SHANK2: variants seen among roughly 807,000 people sequenced by gnomAD.
SHANK2 encodes SH3 and multiple ankyrin repeat domains 2.
In SHANK2, 43 loss-of-function variants were observed where a neutral mutation model predicts 133.7. The ratio of observed to expected loss-of-function variants is 0.32; its 90% CI spans 0.25 to 0.41. The LOEUF is 0.41. SHANK2 is among the 10% of genes least tolerant of loss of function. The pLI is 1.00. For synonymous variants in SHANK2, 1,017 were observed against 952.8 expected, an observed-to-expected ratio of 1.07 and a Z score of -1.24; for missense variants, 1,994 against 2,235.8, an observed-to-expected ratio of 0.89 and a Z score of 2.18.
intron 6 of SHANK2, among the ~76,000 whole-genome samples, chr11:71,108,000 G>A (rs567206156): frequency 1.2e-4 from 19 of 152,296 alleles, no homozygotes; most frequent in South Asian, 1.2e-3. Context: ...AATAGCCCTC[G>A]ACGAGGCCAA....
intron 17 of SHANK2, among the ~76,000 whole-genome samples, chr11:70,512,756 CT>C (rs2059219750): frequency 6.6e-6 from 1 of 152,182 alleles, no homozygotes; most frequent in Non-Finnish European, 1.5e-5. Flanking sequence ...TGATTCTTTC[CT>C]GTGTTGGATC....
chr11:70,843,173 C>T (rs1828766162), intron 11 of SHANK2, among the ~76,000 whole-genome samples: 1 of 142,848 alleles, frequency 7.0e-6, no homozygotes, highest in South Asian at 2.3e-4. Context: ...TGGAGATGCT[C>T]AGGTGGTGAC....
At chr11:70,481,715 T>C (rs1441766540) in intron 25 of SHANK2, among the ~76,000 whole-genome samples, 1 of 152,270 alleles carries the variant, frequency 6.6e-6, no homozygotes, top group Non-Finnish European at 1.5e-5. Context: ...CGTGCCTCAT[T>C]TTGCCCAGGG....
At chr11:70,945,840 C>T (rs1477741380) in intron 10 of SHANK2, among the ~76,000 whole-genome samples, 2 of 152,116 alleles carry the variant, frequency 1.3e-5, no homozygotes, top group African/African-American at 4.8e-5. Flanking sequence ...CAAGGAATGG[C>T]TCTCCTAATT....
chr11:71,232,711 G>T (rs1405959523), intron 1 of SHANK2, among the ~76,000 whole-genome samples: 5 of 152,164 alleles, frequency 3.3e-5, no homozygotes, highest in Admixed American at 6.5e-5. Context: ...TTAAGATAAG[G>T]TTATTTGTTT....
intron 11 of SHANK2, among the ~76,000 whole-genome samples, chr11:70,828,575 C>G (rs3019834): frequency 0.98 from 149,198 of 152,314 alleles, 73,152 homozygotes; most frequent in East Asian, 1. Context: ...AGCTTTCCCC[C>G]ACTTCGGGAG....
intron 8 of SHANK2, among the ~76,000 whole-genome samples, chr11:71,085,155 C>T (rs1951360818): frequency 6.6e-6 from 1 of 152,104 alleles, no homozygotes; most frequent in East Asian, 1.9e-4. Context: ...AGTGACAGCT[C>T]TCAAAATCAG....
At chr11:70,917,266 C>A (rs1950284097) in intron 10 of SHANK2, among the ~76,000 whole-genome samples, 1 of 152,172 alleles carries the variant, frequency 6.6e-6, no homozygotes, top group African/African-American at 2.4e-5. Context: ...AAAAAAAGCT[C>A]AACATCACTG....
At chr11:70,795,917 G>A (rs1947899590) in intron 14 of SHANK2, among the ~76,000 whole-genome samples, 1 of 152,210 alleles carries the variant, frequency 6.6e-6, no homozygotes, top group South Asian at 2.1e-4. Context: ...CTTTAGCCAA[G>A]TGAGACTCAC....
intron 6 of SHANK2, among the ~76,000 whole-genome samples, chr11:71,095,627 C>T (rs1951596610): frequency 1.3e-5 from 2 of 152,234 alleles, no homozygotes; most frequent in African/African-American, 4.8e-5. Context: ...GTGTGTCTTG[C>T]TGACCCCTCA....
intron 9 of SHANK2, among the ~76,000 whole-genome samples, chr11:71,057,828 C>T (rs1259233440): frequency 6.6e-6 from 1 of 150,798 alleles, no homozygotes; most frequent in Non-Finnish European, 1.5e-5. Flanking sequence ...GGATTATAGG[C>T]GTGAACCACC....
chr11:71,116,210 A>G (rs1398827340), intron 4 of SHANK2, among the ~76,000 whole-genome samples: 1 of 152,236 alleles, frequency 6.6e-6, no homozygotes, highest in Non-Finnish European at 1.5e-5. Flanking sequence ...GTCACTGAGT[A>G]GAGAACCCAC....
At position 70,807,503 on chromosome 11, in the gene SHANK2, A is replaced by C. The variant is rs1345235039; in HGVS notation, c.1494-332T>G. ...TGGAGAGACACAGGGTGGTCCAAAC[A>C]TACAATGGAACGCTGTTTAGCCTCC... On this transcript the variant is annotated intron_variant, in intron 12 of 25. Transcript: ENST00000601538. The surrounding 1 kb of genome is among the most constrained non-coding windows in gnomAD (Gnocchi z 4.8). 6.6e-6 allele frequency among the ~76,000 whole-genome samples: 1 copy of C among 152,336 alleles called. No individual in the cohort carries two copies. The highest frequency in any genetic ancestry group is 1.9e-4 in the East Asian group (1 of 5,184).
At position 70,873,929 on chromosome 11, in the gene SHANK2, C is replaced by T. The variant is rs576059728; in HGVS notation, c.1174+22572G>A. Among the ~76,000 whole-genome samples, 6 of 152,278 alleles carry T rather than the reference C, an allele frequency of 3.9e-5. No homozygotes were observed. In the East Asian group the frequency reaches 9.6e-4, roughly 24 times the overall value. ...AGCTCCCGGGCGTCAGTGACAGGAA[C>T]ACGTGTCATCAGGAAAAAGGCATGA... On this transcript the variant is annotated intron_variant, in intron 11 of 25. Coordinates refer to ENST00000601538, the MANE Select transcript of SHANK2 (RefSeq NM_012309.5).
At position 71,075,069 on chromosome 11, in the gene SHANK2, C is replaced by T. The variant is rs998634014; in HGVS notation, c.1029+90G>A. ...CTGGGATTACAGGCATGAGCCACCG[C>T]GCCCGGCTGACGTAAGCCAATTTAA... On this transcript the variant is annotated intron_variant, in intron 9 of 25. Transcript: ENST00000601538. 7.8e-4 allele frequency: 123 copies of T among 157,844 alleles called. 1 individual carries two copies. Among genetic ancestry groups the T allele is most frequent in the Non-Finnish European group, 1.3e-3 (93 of 70,980 alleles). 9.8% of individuals were successfully genotyped at this position (157,844 alleles called of 1,614,324 possible).
At chr11:70,532,850 C>T (rs147290969) in intron 17 of SHANK2, among the ~76,000 whole-genome samples, 12 of 152,252 alleles carry the variant, frequency 7.9e-5, no homozygotes, top group South Asian at 2.1e-4. Context: ...AAAAGATGGA[C>T]GCAACCCAGT....
intron 4 of SHANK2, among the ~76,000 whole-genome samples, chr11:71,114,715 C>G (rs1472423964): frequency 1.3e-5 from 2 of 152,100 alleles, no homozygotes; most frequent in East Asian, 3.9e-4. Context: ...GATTTCAGGA[C>G]AGCAGGTTCT....
chr11:71,096,059 C>T (rs1951606486), intron 6 of SHANK2, among the ~76,000 whole-genome samples: 1 of 149,454 alleles, frequency 6.7e-6, no homozygotes, highest in East Asian at 1.9e-4. Context: ...GAAAAGCAGG[C>T]TTCCTGTCTT....
intron 2 of SHANK2, among the ~76,000 whole-genome samples, chr11:71,222,223 T>C (rs1271557952): frequency 6.7e-6 from 1 of 148,974 alleles, no homozygotes; most frequent in Non-Finnish European, 1.5e-5. Flanking sequence ...GGTCACCAAC[T>C]GTGTGGGCTG....
Sources: gnomAD v4.1 joint callset for allele counts (sites outside exome capture counted in the v4.1 genomes callset) on GRCh38, gnomAD v4.1.1 for gene constraint, Gnocchi (gnomAD v3.1) non-coding constraint, MANE v1.5 for transcripts, NCBI Gene and HGNC (gene_info 2026-07-23, HGNC 2026-07-21) for gene names.